The following DDX31 variants were observed in gnomAD, a reference collection of about 807,000 sequenced individuals.
DDX31 encodes DEAD-box helicase 31.
Under a neutral mutation model 91.3 loss-of-function variants are expected in DDX31, and 70 were observed. The observed-to-expected ratio is 0.77, with a 90% CI of 0.63 to 0.94. The LOEUF is 0.94. DDX31 is among the 40% of genes least tolerant of loss of function. DDX31 has a pLI of 0.00. For synonymous variants in DDX31, 362 were observed against 350.6 expected (o/e 1.03, Z -0.36); for missense variants, 902 against 925.0 (o/e 0.98, Z 0.32).
At chr9:132,626,113 G>A (rs565632279) in intron 16 of DDX31, among the ~76,000 whole-genome samples, 1 of 149,796 alleles carries the variant, frequency 6.7e-6, no homozygotes, top group Non-Finnish European at 1.5e-5. Flanking sequence ...GAAGCATTTT[G>A]GTCTCTTTAG....
intron 9 of DDX31, among the ~76,000 whole-genome samples, chr9:132,649,355 C>T (rs945785099): frequency 3.3e-5 from 5 of 152,164 alleles, no homozygotes; most frequent in Non-Finnish European, 7.3e-5. Context: ...TCAGAGGGAG[C>T]AGGTATGAGC....
intron 19 of DDX31, among the ~76,000 whole-genome samples, chr9:132,601,040 TG>T (rs1353687973): frequency 6.6e-6 from 1 of 152,156 alleles, no homozygotes; most frequent in Non-Finnish European, 1.5e-5. Context: ...GAGTTGTGCT[TG>T]GAACTGTTAT....
At chr9:132,669,618 A>C (rs1207255185) in intron 1 of DDX31, 1 of 1,525,814 alleles carries the variant, frequency 6.6e-7, no homozygotes, top group Middle Eastern at 1.7e-4. Context: ...TTCTAGGCGC[A>C]GGAGCCAGCT....
chr9:132,648,600 G>A (rs758951788), intron 9 of DDX31, 49 bp from the exon 10 acceptor site: 21 of 1,562,176 alleles, frequency 1.3e-5, no homozygotes, highest in African/African-American at 2.8e-5. Context: ...ACAGGGCCAC[G>A]CCAGTAGAAA....
chr9:132,615,396 C>A (rs1024027638), intron 18 of DDX31, among the ~76,000 whole-genome samples: 1 of 151,970 alleles, frequency 6.6e-6, no homozygotes, highest in African/African-American at 2.4e-5. Context: ...AGAATAAAGG[C>A]ACACGCATCT....
Position 132,662,321 on chromosome 9 carries a change from C to T in DDX31, c.348G>A (p.Gln116=). 6.2e-7 allele frequency: 1 copy of T among 1,614,212 alleles called. No homozygotes were observed. The highest frequency in any genetic ancestry group is 1.6e-4 in the Middle Eastern group (1 of 6,062). Residue 116 remains glutamine, a synonymous_variant, in exon 3 of 20, where the codon CAG becomes CAA. Coordinates refer to ENST00000372159, the MANE Select transcript of DDX31 (RefSeq NM_022779.9). ...IPELHRPVVK[Q]VQEKVFTSAA... ...CTGAAGTAAACACTTTTTCTTGCAC[C>T]TGCTTTACCACAGGTCTGCAAATGA... is the stretch of plus-strand genomic sequence containing the variant.
rs773041980 is a variant in DDX31, at chr9:132,595,110, G to A, written c.1997C>T (p.Pro666Leu). 1.2e-6 allele frequency: 2 copies of A among 1,612,678 alleles called. No individual in the cohort carries two copies. Among genetic ancestry groups the A allele is most frequent in the Non-Finnish European group, 1.7e-6 (2 of 1,178,918 alleles). Residue 666 changes from proline (P) to leucine (L), a missense_variant and splice_region_variant, in exon 20 of 20, where the codon CCT becomes CTT. By Grantham distance (98) the Pro-to-Leu change is moderately conservative. Transcript: ENST00000372159. The surrounding 1 kb of genome is among the most constrained non-coding windows in gnomAD (Gnocchi z 4.6). Reference protein sequence around the residue: ...RKKRKAHVKRPDLHKKTQSKH... With the variant: ...RKKRKAHVKRLDLHKKTQSKH... The stretch of plus-strand genomic sequence containing the variant: ...ACTCTGGGTCTTCTTATGAAGGTCA[G>A]GCCTGAAGAACAGTAACAGCAGAGA...
rs565624789 is a variant in DDX31 at position 132,619,084 on chromosome 9, C to T, written c.1714-643G>A. 1.8e-4 allele frequency among the ~76,000 whole-genome samples: 27 copies of T among 152,280 alleles called. 1 individual carries two copies. The South Asian group carries it at 4.6e-3, about 26-fold the overall frequency. On this transcript the variant is annotated intron_variant, in intron 17 of 19. Transcript: ENST00000372159. ...GACTGCCTGGATCTTTGCAGCAAAT[C>T]GTCCCTGTGTAAGAAGTAGCATCTG...
chr9:132,606,899 G>T (rs1831059066), intron 19 of DDX31, among the ~76,000 whole-genome samples: 1 of 152,196 alleles, frequency 6.6e-6, no homozygotes, highest in African/African-American at 2.4e-5. Context: ...TTAAACAATT[G>T]CTGAATGAGC....
chr9:132,658,180 A>G (rs1361810938), intron 6 of DDX31: 2 of 662,926 alleles, frequency 3.0e-6, no homozygotes, highest in African/African-American at 1.8e-5. Flanking sequence ...CCTACATAGC[A>G]CAGGAGCCAG....
At chr9:132,618,474 T>C (rs759001223) in intron 17 of DDX31, 33 bp from the exon 18 acceptor site, 3 of 1,580,068 alleles carry the variant, frequency 1.9e-6, no homozygotes, top group South Asian at 2.3e-5. Context: ...AAAGGAGAGA[T>C]AGAGTCAAGG....
At position 132,646,819 on chromosome 9, in the gene DDX31, C is replaced by A; in HGVS notation, c.1203+4G>T. ...ATCAAGTCGGCTCTAGCCCACAGTC[C>A]CACCTTGCATTTCTGAAGGATGAAG... On this transcript the variant is annotated splice_donor_region_variant and intron_variant, in intron 12 of 19. Coordinates refer to ENST00000372159, the MANE Select transcript of DDX31 (RefSeq NM_022779.9). 6.2e-7 allele frequency: 1 copy of A among 1,613,598 alleles called. No individual in the cohort carries two copies. The highest frequency in any genetic ancestry group is 1.1e-5 in the South Asian group (1 of 91,038).
intron 17 of DDX31, among the ~76,000 whole-genome samples, chr9:132,623,551 CAAAAAAA>C (rs34868804): frequency 3.0e-5 from 2 of 66,762 alleles, no homozygotes; most frequent in Admixed American, 1.8e-4. Context: ...GACTCCATCT[CAAAAAAA>C]AAAAAAAAAA....
intron 6 of DDX31, among the ~76,000 whole-genome samples, chr9:132,652,737 T>C (rs1834283810): frequency 6.6e-6 from 1 of 151,888 alleles, no homozygotes; most frequent in Non-Finnish European, 1.5e-5. Context: ...GAGGTGGTAA[T>C]TGAATCAGGG....
At chr9:132,610,187 G>C (rs1247868736) in intron 19 of DDX31, among the ~76,000 whole-genome samples, 2 of 152,184 alleles carry the variant, frequency 1.3e-5, no homozygotes, top group African/African-American at 2.4e-5. Context: ...AGAGGGCCTG[G>C]GAGTAGAGCT....
chr9:132,637,447 C>T (rs1833189104), intron 14 of DDX31, among the ~76,000 whole-genome samples: 1 of 152,234 alleles, frequency 6.6e-6, no homozygotes, highest in African/African-American at 2.4e-5. Context: ...GCAGCTTGCT[C>T]AGGTGCCAGC....
intron 6 of DDX31, 63 bp downstream of exon 6, chr9:132,658,608 G>A: frequency 1.4e-6 from 2 of 1,423,370 alleles, no homozygotes; most frequent in African/African-American, 2.8e-5. Flanking sequence ...TTTCTGTTAT[G>A]CTTCAGTTTG....
intron 18 of DDX31, among the ~76,000 whole-genome samples, chr9:132,612,473 T>C (rs1831404974): frequency 6.6e-6 from 1 of 152,194 alleles, no homozygotes. Context: ...GCCACAATTA[T>C]TACTTGAATA....
In DDX31 at chr9:132,612,076, G is replaced by C. The variant is rs746707235; in HGVS notation, c.1994+11C>G. On this transcript the variant is annotated intron_variant, in intron 19 of 19. Coordinates refer to ENST00000372159, the MANE Select transcript of DDX31 (RefSeq NM_022779.9). ...CTAGCCCCGTCACGGGACGAATTCA[G>C]CTCATCTTACCTTTTCACGTGTGCT... The C allele has an allele frequency of 1.9e-6, 3 of 1,610,322 alleles. No homozygotes were observed. Among genetic ancestry groups the C allele is most frequent in the Non-Finnish European group, 2.5e-6 (3 of 1,177,008 alleles).
Sources: gnomAD v4.1 joint callset for allele counts (sites outside exome capture counted in the v4.1 genomes callset) on GRCh38, gnomAD v4.1.1 for gene constraint, Gnocchi (gnomAD v3.1) non-coding constraint, MANE v1.5 for transcripts, NCBI Gene and HGNC (gene_info 2026-07-23, HGNC 2026-07-21) for gene names.